The following NEK9 variants were observed in gnomAD, a reference collection of about 807,000 sequenced individuals.
The protein encoded by NEK9 is NIMA related kinase 9.
NEK9 carries 75 observed loss-of-function variants against 123.4 expected under a neutral mutation model. The ratio of observed to expected loss-of-function variants is 0.61; its 90% confidence interval spans 0.50 to 0.74. The LOEUF is 0.74. Ranked by LOEUF, NEK9 falls within the 30% of genes least tolerant of loss-of-function variation. NEK9 has a pLI of 0.00. For missense variants in NEK9, 952 were observed against 1,214.4 expected (o/e 0.78, Z 3.21); for synonymous variants, 438 against 458.7 (o/e 0.95, Z 0.58).
At chr14:75,090,148 T>C (rs1200106043) in intron 19 of NEK9, among the ~76,000 whole-genome samples, 2 of 152,052 alleles carry the variant, frequency 1.3e-5, no homozygotes, top group Non-Finnish European at 2.9e-5. Flanking sequence ...CTTATTTTTT[T>C]TTAAATTTTT....
chr14:75,113,695 G>A (rs1435847385), intron 7 of NEK9, among the ~76,000 whole-genome samples: 1 of 152,016 alleles, frequency 6.6e-6, no homozygotes, highest in East Asian at 1.9e-4. Context: ...AAGATTTCTG[G>A]GCTTTATCCA....
chr14:75,098,263 T>C (rs557977738), intron 16 of NEK9, among the ~76,000 whole-genome samples: 17 of 152,138 alleles, frequency 1.1e-4, no homozygotes, highest in Non-Finnish European at 2.1e-4. Flanking sequence ...AGTTTGATTT[T>C]GAGTATACTA....
Position 75,127,042 on chromosome 14 carries a change from C to A in NEK9, c.-121G>T. ...GTCAGCCCAGCAACCCCGCGAAGCT[C>A]GATGGTGGCTCCTGCCCCCCGACCC... is the stretch of plus-strand genomic sequence containing the variant. On this transcript the variant is annotated 5_prime_UTR_variant, in exon 1 of 22. Transcript: ENST00000238616. 8.0e-6 allele frequency: 6 copies of A among 754,626 alleles called. No individual in the cohort carries two copies. Among genetic ancestry groups the A allele is most frequent in the South Asian group, 2.1e-5 (1 of 47,504 alleles). 46.7% of individuals were successfully genotyped at this position (754,626 alleles called of 1,614,324 possible).
chr14:75,101,065 C>G lies in NEK9; in HGVS notation c.1929G>C (p.Leu643Phe). The G allele has an allele frequency of 6.2e-7, 1 of 1,614,268 alleles. No homozygotes were observed. Among genetic ancestry groups the G allele is most frequent in the Non-Finnish European group, 8.5e-7 (1 of 1,180,050 alleles). The change falls in exon 16 of 22, where the codon TTG becomes TTC. Residue 643 changes from leucine to phenylalanine, a missense_variant. Physicochemically the swap from Leu to Phe is conservative, Grantham distance 22. Around this residue, in one of 4 missense-constraint regions of NEK9, gnomAD observed 698 missense variants for 875.6 expected, o/e 0.80. Coordinates refer to ENST00000238616, the MANE Select transcript of NEK9 (RefSeq NM_033116.6). Reference protein sequence around the residue: ...NYKKRLGINLLGGPLGGKQVI... With the variant: ...NYKKRLGINLFGGPLGGKQVI... ...CTTGCTTCCCACCAAGGGGTCCCCCCAACAGGTTGATTCCCAGACGCTTCT... is the reference window on the plus strand; with the variant it reads ...CTTGCTTCCCACCAAGGGGTCCCCCGAACAGGTTGATTCCCAGACGCTTCT...
intron 20 of NEK9, among the ~76,000 whole-genome samples, chr14:75,087,648 C>G (rs1326607895): frequency 6.6e-6 from 1 of 152,192 alleles, no homozygotes; most frequent in Non-Finnish European, 1.5e-5. Context: ...GAGAGGTGGT[C>G]AGTAAACAGG....
Position 75,126,859 on chromosome 14 carries a change from C to A in NEK9, c.63G>T (p.Glu21Asp). 1.3e-6 allele frequency: 2 copies of A among 1,530,544 alleles called. No homozygotes were observed. Among genetic ancestry groups the A allele is most frequent in the Non-Finnish European group, 1.8e-6 (2 of 1,139,084 alleles). 94.8% of individuals were successfully genotyped at this position (1,530,544 alleles called of 1,614,324 possible). A position where few individuals can be genotyped will look rare whatever the true frequency, so the allele number is the denominator to read the frequency against. The part of the protein sequence containing the change: ...CDSINSDFGS[E>D]SGGCGDSSPG... ...GACTCGAGTCCCCGCAACCCCCGGACTCGCTCCCAAAGTCCGAGTTGATGG... is the reference window on the plus strand; with the variant it reads ...GACTCGAGTCCCCGCAACCCCCGGAATCGCTCCCAAAGTCCGAGTTGATGG... Residue 21 changes from glutamate (E) to aspartate (D), a missense_variant, in exon 1 of 22, where the codon GAG (glutamate) becomes GAT (aspartate). By Grantham distance (45) the Glu-to-Asp change is conservative. This residue lies in a region of NEK9 where 120 missense variants were observed against 97.6 expected (regional missense o/e 1.23). Coordinates refer to ENST00000238616, the MANE Select transcript of NEK9 (RefSeq NM_033116.6).
rs1894585865 is a variant in NEK9, at chr14:75,101,694, G to T, written c.1803C>A (p.Thr601=). The change falls in exon 15 of 22, where the codon ACC becomes ACA. Residue 601 remains threonine, a synonymous_variant. Coordinates refer to ENST00000238616, the MANE Select transcript of NEK9 (RefSeq NM_033116.6). ...CTGTGTGAGTCTTGCCTGGGGCAAT[G>T]GTACGGATCTTATAAAAGGACAACT... ...AKQLSFYKIR[T]IAPGKTHTAA... The T allele has an allele frequency of 6.2e-7, 1 of 1,613,926 alleles. No homozygotes were observed. The highest frequency in any genetic ancestry group is 1.3e-5 in the African/African-American group (1 of 75,054).
At chr14:75,121,386 A>G (rs918448467) in intron 2 of NEK9, among the ~76,000 whole-genome samples, 2 of 152,204 alleles carry the variant, frequency 1.3e-5, no homozygotes, top group Non-Finnish European at 2.9e-5. Context: ...CCTCTCTAAC[A>G]CAAGAGGCGT....
intron 2 of NEK9, among the ~76,000 whole-genome samples, chr14:75,121,895 A>T (rs1895349257): frequency 6.6e-6 from 1 of 152,084 alleles, no homozygotes; most frequent in Admixed American, 6.6e-5. Flanking sequence ...ATTGGGTTAC[A>T]CCTGTGATGC....
upstream of NEK9, chr14:75,127,140 G>A (rs1219617670): frequency 1.0e-5 from 5 of 478,556 alleles, no homozygotes; most frequent in African/African-American, 2.0e-5. Context: ...CTAGTCTAGC[G>A]GCCAAGGCTT....
chr14:75,122,517 CT>C (rs879703278), intron 2 of NEK9, among the ~76,000 whole-genome samples: 49 of 148,256 alleles, frequency 3.3e-4, no homozygotes, highest in Non-Finnish European at 4.5e-4. Flanking sequence ...TATCAACAAA[CT>C]TTTTTTTTTT....
intron 20 of NEK9, among the ~76,000 whole-genome samples, chr14:75,087,857 A>G (rs1396438554): frequency 6.6e-6 from 1 of 152,208 alleles, no homozygotes; most frequent in Non-Finnish European, 1.5e-5. Context: ...CTGTTTTTGT[A>G]AATACAATTT....
At chr14:75,116,829 C>A (rs1467669078) in intron 6 of NEK9, among the ~76,000 whole-genome samples, 1 of 152,116 alleles carries the variant, frequency 6.6e-6, no homozygotes, top group Non-Finnish European at 1.5e-5. Context: ...TGGCTCACTG[C>A]AACCTCCACC....
chr14:75,086,495 T>C (rs1162696798), intron 21 of NEK9: 1 of 156,696 alleles, frequency 6.4e-6, no homozygotes, highest in South Asian at 1.9e-4. Context: ...AATTAAGTAT[T>C]GTAAAAGAAA....
At chr14:75,118,704 A>G (rs766975212) in intron 5 of NEK9, 126 bp downstream of exon 5, 11 of 636,266 alleles carry the variant, frequency 1.7e-5, no homozygotes, top group African/African-American at 7.4e-5. Context: ...AGACTTCTGA[A>G]GACATGCATT....
chr14:75,099,958 G>C (rs1400223298), intron 16 of NEK9, among the ~76,000 whole-genome samples: 11 of 150,142 alleles, frequency 7.3e-5, no homozygotes, highest in African/African-American at 2.7e-4. Context: ...GTGAAACCCT[G>C]TCTGTACTAA....
intron 5 of NEK9, among the ~76,000 whole-genome samples, 170 bp from the exon 6 acceptor site, chr14:75,117,496 T>G (rs1280071760): frequency 6.6e-6 from 1 of 152,226 alleles, no homozygotes; most frequent in Non-Finnish European, 1.5e-5. Context: ...AAAGAAATCT[T>G]ATTCATATCA....
chr14:75,082,753 G>T lies in NEK9; in HGVS notation c.*1811C>A. ...TCAGGCCTGCTGAGATGATGAGCAT[G>T]AGGATACAGGGACATGACAGGTCAA... On this transcript the variant is annotated 3_prime_UTR_variant, in exon 22 of 22. Transcript: ENST00000238616. The T allele has an allele frequency of 2.6e-6, 1 of 379,214 alleles. No homozygotes were observed. Among genetic ancestry groups the T allele is most frequent in the Non-Finnish European group, 4.7e-6 (1 of 214,154 alleles). The allele number at this position is 379,214 out of a possible 1,614,324, so 23.5% of individuals were successfully genotyped here. A position where few individuals can be genotyped will look rare whatever the true frequency, so the allele number is the denominator to read the frequency against.
At chr14:75,098,071 G>A (rs1894447612) in intron 16 of NEK9, among the ~76,000 whole-genome samples, 1 of 152,190 alleles carries the variant, frequency 6.6e-6, no homozygotes. Flanking sequence ...GTCTACTGAG[G>A]AGAACTGATG....
Sources: allele counts gnomAD v4.1 joint callset (sites outside exome capture counted in the v4.1 genomes callset), GRCh38; gene constraint gnomAD v4.1.1; regional missense constraint gnomAD v4.1.1; transcripts MANE v1.5; gene names NCBI Gene and HGNC (gene_info 2026-07-23, HGNC 2026-07-21).